The following NFIA variants were observed in gnomAD, a reference collection of about 807,000 sequenced individuals.
The protein encoded by NFIA is nuclear factor I A.
In NFIA, 8 loss-of-function variants were observed where a neutral mutation model predicts 62.8. The observed-to-expected ratio is 0.13, with a 90% CI of 0.07 to 0.23. The LOEUF is 0.23. NFIA is among the 10% of genes least tolerant of loss of function. The pLI is 1.00. For missense variants in NFIA, 410 were observed against 642.1 expected (o/e 0.64, Z 3.91); for synonymous variants, 235 against 238.1 (o/e 0.99, Z 0.12).
upstream of NFIA, chr1:61,082,454 C>G (rs1294673152): frequency 3.8e-6 from 4 of 1,047,930 alleles, no homozygotes; most frequent in Admixed American, 1.2e-4. Context: ...GCGCGGGCAG[C>G]TCGCGGGCAC....
chr1:61,384,542 A>G (rs1664583418), intron 7 of NFIA, among the ~76,000 whole-genome samples: 1 of 152,176 alleles, frequency 6.6e-6, no homozygotes, highest in Non-Finnish European at 1.5e-5. Context: ...TCGATATATA[A>G]TTTGAAAACC....
intron 10 of NFIA, among the ~76,000 whole-genome samples, chr1:61,436,998 C>T (rs1015987672): frequency 6.6e-6 from 1 of 152,164 alleles, no homozygotes. Context: ...TGTTTCTCAC[C>T]CTCAACACCC....
intron 2 of NFIA, among the ~76,000 whole-genome samples, chr1:61,203,005 A>G (rs1652614640): frequency 6.6e-6 from 1 of 152,248 alleles, no homozygotes; most frequent in Non-Finnish European, 1.5e-5. Flanking sequence ...TGCTTCACTT[A>G]TTTTGAATTA....
chr1:61,306,662 T>G (rs558801954), intron 3 of NFIA, among the ~76,000 whole-genome samples: 15 of 152,260 alleles, frequency 9.9e-5, no homozygotes, highest in Non-Finnish European at 1.9e-4. Context: ...TTACCATGAT[T>G]AATAACAAGG....
chr1:61,085,397 T>G (rs1646201179), intron 1 of NFIA, among the ~76,000 whole-genome samples: 1 of 152,190 alleles, frequency 6.6e-6, no homozygotes, highest in African/African-American at 2.4e-5. Flanking sequence ...AAGATGCTGA[T>G]TCAAAGTAAT....
At chr1:61,106,491 C>T (rs1236629720) in intron 2 of NFIA, among the ~76,000 whole-genome samples, 1 of 151,592 alleles carries the variant, frequency 6.6e-6, no homozygotes, top group Non-Finnish European at 1.5e-5. Flanking sequence ...ATGACATTTC[C>T]CCCAAATTTG....
intron 4 of NFIA, among the ~76,000 whole-genome samples, chr1:61,335,303 A>G (rs749717994): frequency 1.3e-5 from 2 of 152,072 alleles, no homozygotes; most frequent in Non-Finnish European, 2.9e-5. Context: ...GTCGGGGTAT[A>G]TTTCACAAGA....
At chr1:61,450,736 C>A (rs1183138496) in intron 10 of NFIA, among the ~76,000 whole-genome samples, 1 of 152,066 alleles carries the variant, frequency 6.6e-6, no homozygotes, top group Non-Finnish European at 1.5e-5. Context: ...CTTGTTGAGG[C>A]CTTTTGTTTA....
chr1:61,315,942 G>C (rs947729512), intron 3 of NFIA, among the ~76,000 whole-genome samples: 4 of 152,150 alleles, frequency 2.6e-5, no homozygotes, highest in African/African-American at 4.8e-5. Flanking sequence ...CAAATAAGAT[G>C]CTGTCTGAAT....
At chr1:61,213,906 C>T (rs78778627) in intron 2 of NFIA, among the ~76,000 whole-genome samples, 2,367 of 152,252 alleles carry the variant, frequency 0.016, 21 homozygotes, top group Non-Finnish European at 0.025. Flanking sequence ...ACGCACCAGG[C>T]GTGTGTTGGC....
At chr1:61,360,731 T>G (rs935033968) in intron 6 of NFIA, among the ~76,000 whole-genome samples, 1 of 152,220 alleles carries the variant, frequency 6.6e-6, no homozygotes, top group Admixed American at 6.5e-5. Context: ...TGTATCCTGA[T>G]TGTGGTGGTC....
intron 3 of NFIA, among the ~76,000 whole-genome samples, chr1:61,324,145 G>T (rs1660814681): frequency 6.6e-6 from 1 of 152,160 alleles, no homozygotes; most frequent in Non-Finnish European, 1.5e-5. Flanking sequence ...TCCAAGGAGG[G>T]AGTCTGGTTG....
rs5774536 is a variant in NFIA at position 61,118,659 on chromosome 1, AGTGTGTGTGTGTGTGTGTGT to A, written c.559+30010_559+30029del. Among the ~76,000 whole-genome samples, 1,176 of 145,218 alleles carry A rather than the reference AGTGTGTGTGTGTGTGTGTGT, an allele frequency of 8.1e-3. 23 individuals carry two copies. The highest frequency in any genetic ancestry group is 0.024 in the African/African-American group (928 of 38,932). On this transcript the variant is annotated intron_variant, in intron 2 of 10. Coordinates refer to ENST00000403491, the MANE Select transcript of NFIA (RefSeq NM_001134673.4). ...AAGTGCAAAAAGTTTGGTCGGGATG[AGTGTGTGTGTGTGTGTGTGT>A]GTGTGTGTGTGTGTGTGTGTGTGTG...
intron 3 of NFIA, among the ~76,000 whole-genome samples, chr1:61,329,462 A>C (rs1661169897): frequency 1.4e-5 from 2 of 146,218 alleles, no homozygotes; most frequent in African/African-American, 5.1e-5. Flanking sequence ...GGCTCACTGC[A>C]ACCTCTGCCT....
chr1:61,422,564 A>G (rs1389306690), intron 9 of NFIA, among the ~76,000 whole-genome samples: 1 of 152,136 alleles, frequency 6.6e-6, no homozygotes, highest in Non-Finnish European at 1.5e-5. Flanking sequence ...TTGTTTGGCT[A>G]GCAGTCAGTA....
At chr1:61,335,774 G>C (rs902960265) in intron 4 of NFIA, among the ~76,000 whole-genome samples, 21 of 151,910 alleles carry the variant, frequency 1.4e-4, no homozygotes, top group African/African-American at 5.1e-4. Flanking sequence ...CCCGGGAGAC[G>C]GAGGTTGCAG....
intron 3 of NFIA, among the ~76,000 whole-genome samples, chr1:61,309,866 G>A (rs1221848533): frequency 6.6e-6 from 1 of 152,220 alleles, no homozygotes; most frequent in Admixed American, 6.5e-5. Context: ...TCCAGCCTGG[G>A]TGACAGAGTG....
chr1:61,170,810 A>G (rs1649912551), intron 2 of NFIA, among the ~76,000 whole-genome samples: 2 of 152,208 alleles, frequency 1.3e-5, no homozygotes, highest in African/African-American at 4.8e-5. Flanking sequence ...AGCTGTGCCA[A>G]CATCAGTGAT....
intron 4 of NFIA, among the ~76,000 whole-genome samples, chr1:61,336,664 C>T (rs1033375760): frequency 6.6e-6 from 1 of 152,168 alleles, no homozygotes; most frequent in African/African-American, 2.4e-5. Context: ...TGTTCTCCAC[C>T]TATTCATTAC....
Sources: allele counts gnomAD v4.1 joint callset (sites outside exome capture counted in the v4.1 genomes callset), GRCh38; gene constraint gnomAD v4.1.1; transcripts MANE v1.5; gene names NCBI Gene and HGNC (gene_info 2026-07-23, HGNC 2026-07-21).